Variants in GFRA1 observed in about 807,000 individuals in gnomAD.
The protein encoded by GFRA1 is GDNF family receptor alpha 1.
A neutral mutation model predicts 51.6 loss-of-function variants in GFRA1; 16 were observed. The observed-to-expected ratio is 0.31, with a 90% CI of 0.21 to 0.47. The LOEUF (loss-of-function observed/expected upper bound fraction) is 0.47, where lower values mean the gene tolerates loss of function less well. Ranked by LOEUF, GFRA1 falls within the 20% of genes least tolerant of loss-of-function variation. The pLI is 1.00. For synonymous variants in GFRA1, 270 were observed against 241.3 expected, an observed-to-expected ratio of 1.12 and a Z score of -1.10; for missense variants, 530 against 594.3, an observed-to-expected ratio of 0.89 and a Z score of 1.13.
chr10:116,130,980 T>C (rs1254933654), intron 5 of GFRA1, among the ~76,000 whole-genome samples: 3 of 152,088 alleles, frequency 2.0e-5, no homozygotes, highest in Admixed American at 6.5e-5. Flanking sequence ...AGAAAATGAA[T>C]AGACAAACCA....
At chr10:116,148,382 C>G (rs770712537) in intron 5 of GFRA1, among the ~76,000 whole-genome samples, 56 of 152,070 alleles carry the variant, frequency 3.7e-4, no homozygotes, top group Non-Finnish European at 6.5e-4. Context: ...TGAAGACTCT[C>G]AACAGGACTC....
intron 2 of GFRA1, 49 bp from the exon 3 acceptor site, chr10:116,271,164 G>A: frequency 6.6e-7 from 1 of 1,524,660 alleles, no homozygotes; most frequent in Non-Finnish European, 8.9e-7. Flanking sequence ...GGGGACCCCG[G>A]CCGCCCCTGC....
intron 6 of GFRA1, among the ~76,000 whole-genome samples, chr10:116,098,483 TAATTTCAAAAG>T (rs1189133879): frequency 6.6e-6 from 1 of 152,224 alleles, no homozygotes; most frequent in Non-Finnish European, 1.5e-5. Context: ...GATTGAGTGT[TAATTTCAAAAG>T]AATTTTCCTG....
At chr10:116,131,884 T>C (rs1435258136) in intron 5 of GFRA1, among the ~76,000 whole-genome samples, 1 of 139,896 alleles carries the variant, frequency 7.1e-6, no homozygotes, top group East Asian at 2.1e-4. Context: ...TTTGTGCCTA[T>C]GTAAACATTA....
chr10:116,081,754 G>GT (rs1241775930), intron 9 of GFRA1, among the ~76,000 whole-genome samples: 1 of 152,162 alleles, frequency 6.6e-6, no homozygotes, highest in African/African-American at 2.4e-5. Context: ...GGTTTATAAT[G>GT]TTTTCCAAAG....
intron 5 of GFRA1, among the ~76,000 whole-genome samples, chr10:116,181,664 G>A (rs1055102323): frequency 1.1e-4 from 16 of 151,536 alleles, no homozygotes; most frequent in African/African-American, 2.7e-4. Flanking sequence ...TTGAGACAGA[G>A]TCTCACTGTA....
rs1484282995 is a variant in GFRA1 at position 116,059,528 on chromosome 10, T to C, written c.*4870A>G. On this transcript the variant is annotated 3_prime_UTR_variant, in exon 11 of 11. Coordinates refer to ENST00000355422, the MANE Select transcript of GFRA1 (RefSeq NM_005264.8). ...CGAAGTCGCAGCTGCGCTGGTCAAA[T>C]GAGCTTGGAGACCTTAGGGGGCTGA... 1 of 152,280 alleles carries C rather than the reference T, an allele frequency of 6.6e-6. No homozygotes were observed. 9.4% of individuals were successfully genotyped at this position (152,280 alleles called of 1,614,324 possible).
intron 5 of GFRA1, among the ~76,000 whole-genome samples, chr10:116,153,570 T>C (rs752762055): frequency 3.4e-4 from 51 of 152,220 alleles, no homozygotes; most frequent in Non-Finnish European, 4.7e-4. Flanking sequence ...TAGCTTCCAT[T>C]TATTTGAGAA....
At chr10:116,106,995 C>T (rs919090265) in intron 6 of GFRA1, among the ~76,000 whole-genome samples, 3 of 152,290 alleles carry the variant, frequency 2.0e-5, no homozygotes, top group Non-Finnish European at 4.4e-5. Context: ...TTATAAGGTT[C>T]CTGAGGCCTC....
At chr10:116,177,245 T>C (rs1465036494) in intron 5 of GFRA1, among the ~76,000 whole-genome samples, 1 of 152,062 alleles carries the variant, frequency 6.6e-6, no homozygotes, top group Non-Finnish European at 1.5e-5. Context: ...ATCTATGAAT[T>C]AGAAAGGCGA....
At chr10:116,215,797 A>G (rs981676384) in intron 4 of GFRA1, among the ~76,000 whole-genome samples, 2 of 152,154 alleles carry the variant, frequency 1.3e-5, no homozygotes, top group African/African-American at 4.8e-5. Context: ...CGCTCTGCTC[A>G]TACTCACTTC....
At position 116,064,082 on chromosome 10, in the gene GFRA1, C is replaced by CATCATCATG. The variant is rs1393304902; in HGVS notation, c.*307_*315dup. On this transcript the variant is annotated 3_prime_UTR_variant, in exon 11 of 11. Transcript: ENST00000355422. ...TGATCATCATCATGATCATGATGAT[C>CATCATCATG]ATCATCATGATCATCATCATCATCG... 5.7e-6 allele frequency: 1 copy of CATCATCATG among 175,514 alleles called. No individual in the cohort carries two copies. The highest frequency in any genetic ancestry group is 1.0e-5 in the Non-Finnish European group (1 of 97,088). The allele number at this position is 175,514 out of a possible 1,614,324, so 10.9% of individuals were successfully genotyped here. A position where few individuals can be genotyped will look rare whatever the true frequency, so the allele number is the denominator to read the frequency against.
intron 6 of GFRA1, among the ~76,000 whole-genome samples, chr10:116,107,968 T>C (rs1287045281): frequency 1.3e-5 from 2 of 151,954 alleles, no homozygotes; most frequent in African/African-American, 4.8e-5. Flanking sequence ...TAAATATCTC[T>C]GGGTGCATAA....
At chr10:116,121,265 C>T (rs1355822200) in intron 6 of GFRA1, among the ~76,000 whole-genome samples, 1 of 152,124 alleles carries the variant, frequency 6.6e-6, no homozygotes, top group Non-Finnish European at 1.5e-5. Flanking sequence ...GAAAAGCAAC[C>T]AGAGGAAACC....
upstream of GFRA1, among the ~76,000 whole-genome samples, chr10:116,274,077 A>T (rs1844131324): frequency 6.6e-6 from 1 of 152,152 alleles, no homozygotes; most frequent in Admixed American, 6.5e-5. Flanking sequence ...TTCGAGAGTA[A>T]ATTAACAACA....
At chr10:116,082,602 T>C (rs1309496557) in intron 9 of GFRA1, among the ~76,000 whole-genome samples, 1 of 152,100 alleles carries the variant, frequency 6.6e-6, no homozygotes, top group Admixed American at 6.6e-5. Context: ...TGCTTCAGCC[T>C]CCTGAGTAGC....
intron 4 of GFRA1, among the ~76,000 whole-genome samples, chr10:116,243,961 G>T (rs536016048): frequency 6.6e-6 from 1 of 152,242 alleles, no homozygotes; most frequent in African/African-American, 2.4e-5. Context: ...ATGGAGTGAG[G>T]AATTAACTTA....
At chr10:116,107,014 CT>C (rs1388264834) in intron 6 of GFRA1, among the ~76,000 whole-genome samples, 1 of 152,184 alleles carries the variant, frequency 6.6e-6, no homozygotes, top group East Asian at 1.9e-4. Context: ...TCTGCAGAAG[CT>C]GAGCAAATGC....
At chr10:116,263,414 C>T (rs556017947) in intron 4 of GFRA1, among the ~76,000 whole-genome samples, 39 of 152,158 alleles carry the variant, frequency 2.6e-4, no homozygotes, top group Admixed American at 4.6e-4. Context: ...TTATCATCAT[C>T]CCATTTTACA....
Sources: allele counts gnomAD v4.1 joint callset (sites outside exome capture counted in the v4.1 genomes callset), GRCh38; gene constraint gnomAD v4.1.1; transcripts MANE v1.5; gene names NCBI Gene and HGNC (gene_info 2026-07-23, HGNC 2026-07-21).